Variants in RIMS2 observed in about 807,000 individuals in gnomAD.
The protein encoded by RIMS2 is regulating synaptic membrane exocytosis protein 2.
A neutral mutation model predicts 174.4 loss-of-function variants in RIMS2; 59 were observed. The observed-to-expected ratio is 0.34, with a 90% confidence interval of 0.27 to 0.42. The LOEUF (loss-of-function observed/expected upper bound fraction) is 0.42, where lower values mean the gene tolerates loss of function less well. RIMS2 is among the 10% of genes least tolerant of loss of function. RIMS2 has a pLI of 1.00. For synonymous variants in RIMS2, 606 were observed against 572.5 expected, an observed-to-expected ratio of 1.06 and a Z score of -0.84; for missense variants, 1,620 against 1,666.3, an observed-to-expected ratio of 0.97 and a Z score of 0.48.
At chr8:103,805,898 A>G (rs1179684132) in intron 3 of RIMS2, among the ~76,000 whole-genome samples, 1 of 152,096 alleles carries the variant, frequency 6.6e-6, no homozygotes, top group East Asian at 1.9e-4. Flanking sequence ...TTTTAGTTAC[A>G]TCTCTCAGAA....
At chr8:104,210,940 T>C (rs1343779564) in intron 19 of RIMS2, among the ~76,000 whole-genome samples, 1 of 152,262 alleles carries the variant, frequency 6.6e-6, no homozygotes, top group Non-Finnish European at 1.5e-5. Context: ...ATCTTATGTC[T>C]GTTGAAATAA....
At chr8:103,668,936 T>C (rs1201809030) in intron 1 of RIMS2, among the ~76,000 whole-genome samples, 1 of 152,196 alleles carries the variant, frequency 6.6e-6, no homozygotes, top group East Asian at 1.9e-4. Context: ...ATTGGATTTA[T>C]ATTCTCTTAA....
chr8:103,912,308 CATT>C (rs2075823758), intron 6 of RIMS2, 136 bp downstream of exon 9: 2 of 509,434 alleles, frequency 3.9e-6, no homozygotes, highest in African/African-American at 3.9e-5. Flanking sequence ...GATTCGCACT[CATT>C]ATCTAAAACA....
At chr8:103,783,609 A>C (rs1384538188) in intron 3 of RIMS2, among the ~76,000 whole-genome samples, 8 of 151,804 alleles carry the variant, frequency 5.3e-5, no homozygotes, top group South Asian at 2.1e-4. Flanking sequence ...ATCATTTTTT[A>C]TGGCTGCATA....
intron 1 of RIMS2, among the ~76,000 whole-genome samples, chr8:103,509,937 G>A (rs558063865): frequency 6.6e-6 from 1 of 152,078 alleles, no homozygotes; most frequent in East Asian, 1.9e-4. Flanking sequence ...AAGGCATTTG[G>A]AATTAACAAC....
intron 1 of RIMS2, among the ~76,000 whole-genome samples, chr8:103,686,335 C>A (rs1475523062): frequency 6.6e-6 from 1 of 151,930 alleles, no homozygotes; most frequent in East Asian, 1.9e-4. Context: ...TCTTTTCTTG[C>A]CTTAATGTGG....
chr8:104,112,250 C>T (rs936554858), intron 19 of RIMS2, among the ~76,000 whole-genome samples: 2 of 152,088 alleles, frequency 1.3e-5, no homozygotes, highest in Non-Finnish European at 1.5e-5. Flanking sequence ...ATTGCTACCT[C>T]ATTTCCTGTT....
intron 1 of RIMS2, among the ~76,000 whole-genome samples, chr8:103,525,683 T>C (rs989286511): frequency 6.6e-6 from 1 of 152,178 alleles, no homozygotes; most frequent in Non-Finnish European, 1.5e-5. Flanking sequence ...TTGAAGCTTG[T>C]TTTAAATTAG....
intron 1 of RIMS2, among the ~76,000 whole-genome samples, chr8:103,633,572 C>T (rs1468581743): frequency 6.6e-6 from 1 of 152,044 alleles, no homozygotes; most frequent in Non-Finnish European, 1.5e-5. Context: ...GAGGTGTCTT[C>T]CCCCCTCAGT....
intron 4 of RIMS2, among the ~76,000 whole-genome samples, chr8:103,905,795 G>C (rs529798232): frequency 1.6e-5 from 2 of 123,240 alleles, no homozygotes; most frequent in Non-Finnish European, 3.4e-5. Flanking sequence ...TTTTTCTGTA[G>C]TCTGTTTTCT....
chr8:104,094,647 C>T (rs750016050), intron 19 of RIMS2: 3 of 701,750 alleles, frequency 4.3e-6, no homozygotes, highest in Non-Finnish European at 7.8e-6. Flanking sequence ...GGAAAAAACA[C>T]AAGATATACA....
At chr8:104,181,070 A>T (rs1381769870) in intron 19 of RIMS2, among the ~76,000 whole-genome samples, 1 of 151,744 alleles carries the variant, frequency 6.6e-6, no homozygotes, top group East Asian at 1.9e-4. Flanking sequence ...TATAGAAGAA[A>T]ATGTGAGTTA....
intron 1 of RIMS2, among the ~76,000 whole-genome samples, chr8:103,538,556 G>T (rs1409697248): frequency 1.3e-5 from 2 of 150,282 alleles, no homozygotes; most frequent in Non-Finnish European, 2.9e-5. Context: ...TCGCTCTGTT[G>T]CCCAGGCTGG....
chr8:103,609,117 C>T (rs2095271950), intron 1 of RIMS2, among the ~76,000 whole-genome samples: 1 of 152,118 alleles, frequency 6.6e-6, no homozygotes, highest in Non-Finnish European at 1.5e-5. Flanking sequence ...TGATGTTGAG[C>T]ATTTTTTCAT....
intron 14 of RIMS2, among the ~76,000 whole-genome samples, chr8:103,951,932 A>G (rs1003589135): frequency 8.5e-5 from 13 of 152,132 alleles, no homozygotes; most frequent in African/African-American, 2.4e-4. Context: ...TGCATCCACC[A>G]TTGCTGAGCC....
intron 4 of RIMS2, among the ~76,000 whole-genome samples, chr8:103,908,584 A>C (rs186462937): frequency 6.6e-6 from 1 of 152,018 alleles, no homozygotes; most frequent in African/African-American, 2.4e-5. Context: ...CATCTCATAA[A>C]TTTTTTCTTC....
chr8:104,051,903 C>A (rs999480081), intron 19 of RIMS2, among the ~76,000 whole-genome samples: 2 of 152,118 alleles, frequency 1.3e-5, no homozygotes, highest in African/African-American at 2.4e-5. Context: ...GAGTATTATT[C>A]TTTTTAAGAA....
intron 19 of RIMS2, among the ~76,000 whole-genome samples, chr8:104,169,639 T>C (rs978529346): frequency 7.9e-5 from 12 of 151,906 alleles, no homozygotes; most frequent in African/African-American, 2.9e-4. Flanking sequence ...CTTTTTGTTT[T>C]ATTTATCTTT....
At chr8:103,650,056 C>T (rs13265220) in intron 1 of RIMS2, among the ~76,000 whole-genome samples, 17,633 of 152,102 alleles carry the variant, frequency 0.12, 1,351 homozygotes, top group Non-Finnish European at 0.17. Flanking sequence ...GCTTTATGGG[C>T]TTACCTACCT....
Sources: allele counts gnomAD v4.1 joint callset (sites outside exome capture counted in the v4.1 genomes callset), GRCh38; gene constraint gnomAD v4.1.1; transcripts MANE v1.5; gene names NCBI Gene and HGNC (gene_info 2026-07-23, HGNC 2026-07-21).